Variants in DNAH8 observed in about 807,000 individuals in gnomAD.
DNAH8 encodes the protein dynein axonemal heavy chain 8.
Under a neutral mutation model 562.1 loss-of-function variants are expected in DNAH8, and 382 were observed. The observed-to-expected ratio is 0.68, with a 90% CI of 0.63 to 0.74. DNAH8 has a LOEUF of 0.74. Among genes scored for constraint, DNAH8 ranks in the 30% least tolerant of loss-of-function variants. The pLI is 0.00. For missense variants in DNAH8, 5,203 were observed against 5,620.4 expected (o/e 0.93, Z 2.37); for synonymous variants, 1,881 against 1,919.4 (o/e 0.98, Z 0.52).
At chr6:38,794,481 T>C (rs1770048810) in intron 21 of DNAH8, among the ~76,000 whole-genome samples, 2 of 152,238 alleles carry the variant, frequency 1.3e-5, no homozygotes. Context: ...GATACACCCT[T>C]GTAACTGTCT....
chr6:38,931,866 C>G lies in DNAH8; in HGVS notation c.11330C>G (p.Thr3777Ser). ...DIMDTFKLYI[T>S]TKLPNPAFTP... ...ATGGATACATTTAAACTTTACATTACTACGAAGTTACCAAATCCTGCCTTT... is the reference window on the plus strand; with the variant it reads ...ATGGATACATTTAAACTTTACATTAGTACGAAGTTACCAAATCCTGCCTTT... Residue 3777 changes from threonine (T) to serine (S), a missense_variant, in exon 76 of 93, where the codon ACT (threonine) becomes AGT (serine). Transcript: ENST00000327475. 1 of 1,610,100 alleles carries G rather than the reference C, an allele frequency of 6.2e-7. No homozygotes were observed. The highest frequency in any genetic ancestry group is 1.1e-5 in the South Asian group (1 of 90,252).
intron 7 of DNAH8, among the ~76,000 whole-genome samples, chr6:38,740,365 T>G (rs1192847150): frequency 2.0e-5 from 3 of 152,230 alleles, no homozygotes; most frequent in African/African-American, 7.2e-5. Context: ...GTAGGTCTTC[T>G]GTGTGTGTAA....
rs1775411856 is a variant in DNAH8, at chr6:38,847,764, T to C, written c.5046-884T>C. Reference sequence around the variant, plus strand: ...TGCTTGCCCTTGCTACACACTGCAGTCGGCTTCTTGCTCTAACTGTAGGTA... The same window carrying C: ...TGCTTGCCCTTGCTACACACTGCAGCCGGCTTCTTGCTCTAACTGTAGGTA... On this transcript the variant is annotated intron_variant, in intron 36 of 92. Coordinates refer to ENST00000327475, the MANE Select transcript of DNAH8 (RefSeq NM_001206927.2). Among the ~76,000 whole-genome samples, 5 of 152,308 alleles carry C rather than the reference T, an allele frequency of 3.3e-5. No homozygotes were observed. The South Asian group carries it at 1.0e-3, about 32-fold the overall frequency.
chr6:38,909,511 T>A lies in DNAH8; in HGVS notation c.9514-7T>A. 1 of 1,613,900 alleles carries A rather than the reference T, an allele frequency of 6.2e-7. No individual in the cohort carries two copies. The highest frequency in any genetic ancestry group is 8.5e-7 in the Non-Finnish European group (1 of 1,179,820). On this transcript the variant is annotated splice_region_variant and splice_polypyrimidine_tract_variant and intron_variant, in intron 64 of 92. Transcript: ENST00000327475. ...TTTCTAATGTTTGTTGACTTTGCTA[T>A]CAATAGGTTGGTGAGAAGTTCCGTG...
chr6:38,796,873 T>C (rs1443015905), intron 21 of DNAH8, among the ~76,000 whole-genome samples: 1 of 152,216 alleles, frequency 6.6e-6, no homozygotes, highest in African/African-American at 2.4e-5. Context: ...GGGGTTCTTG[T>C]CTGCGGCTTG....
At chr6:38,963,680 CTTTTTT>C (rs778971367) in intron 82 of DNAH8, among the ~76,000 whole-genome samples, 12 of 60,570 alleles carry the variant, frequency 2.0e-4, no homozygotes, top group East Asian at 1.1e-3. Flanking sequence ...AAAGTCCATT[CTTTTTT>C]TTTTTTTTTT....
intron 10 of DNAH8, among the ~76,000 whole-genome samples, chr6:38,758,640 A>G (rs972999730): frequency 1.3e-5 from 2 of 151,734 alleles, no homozygotes; most frequent in Admixed American, 6.6e-5. Context: ...GTTTTTGTCT[A>G]TTCAGTATGA....
At position 38,780,056 on chromosome 6, in the gene DNAH8, T is replaced by A. The variant is rs767332664; in HGVS notation, c.2130T>A (p.Ala710=). The A allele has an allele frequency of 6.2e-7, 1 of 1,613,674 alleles. No homozygotes were observed. Among genetic ancestry groups the A allele is most frequent in the Middle Eastern group, 1.6e-4 (1 of 6,062 alleles). The change falls in exon 15 of 93, where the codon GCT becomes GCA. Residue 710 remains alanine (A), a synonymous_variant. Coordinates refer to ENST00000327475, the MANE Select transcript of DNAH8 (RefSeq NM_001206927.2). ...AGTACTATGTGGCTGAACTTGATGC[T>A]ACTAAGAAGGCAAGTGTCATGTTTA... ...ILQYYVAELD[A]TKKLYHSQKD...
intron 7 of DNAH8, among the ~76,000 whole-genome samples, chr6:38,739,541 T>G (rs185007663): frequency 3.5e-4 from 54 of 152,296 alleles, no homozygotes; most frequent in African/African-American, 1.3e-3. Context: ...GCATGGTGGC[T>G]CATGCTTGTA....
intron 53 of DNAH8, 70 bp downstream of exon 53, chr6:38,875,898 C>A: frequency 1.0e-6 from 1 of 958,372 alleles, no homozygotes; most frequent in Non-Finnish European, 1.6e-6. Flanking sequence ...CTTTCATAAA[C>A]TCTTCTATGA....
chr6:38,948,369 C>T (rs1041176980), intron 80 of DNAH8, among the ~76,000 whole-genome samples: 3 of 151,810 alleles, frequency 2.0e-5, no homozygotes, highest in African/African-American at 7.3e-5. Context: ...GGGAGTTTCG[C>T]TCTTGTTGCC....
chr6:39,030,379 G>T lies in DNAH8; in HGVS notation c.14111G>T (p.Cys4704Phe), dbSNP rs1393982368. The change falls in exon 93 of 93, where the codon TGT (cysteine) becomes TTT (phenylalanine). Residue 4704 changes from cysteine to phenylalanine, a missense_variant. Around this residue, in one of 6 missense-constraint regions of DNAH8, gnomAD observed 1,399 missense variants for 1,518.4 expected, o/e 0.92. Coordinates refer to ENST00000327475, the MANE Select transcript of DNAH8 (RefSeq NM_001206927.2). ...ATCCTGAGAGGAGTGGCCCTTTTGT[G>T]TGACATCAAGTAAGTTCATTTCCAT... The part of the protein sequence containing the change: ...HWILRGVALL[C>F]DIK 6.2e-7 allele frequency: 1 copy of T among 1,613,776 alleles called. No homozygotes were observed.
rs908080480 is a variant in DNAH8 at position 38,938,298 on chromosome 6, T to C, written c.11816+72T>C. ...CTTGTATTTCTACTCTTTTAGAAATTGCTTTTTCACTATTCACAATAGCAA... is the reference window on the plus strand; with the variant it reads ...CTTGTATTTCTACTCTTTTAGAAATCGCTTTTTCACTATTCACAATAGCAA... On this transcript the variant is annotated intron_variant, in intron 78 of 92. Coordinates refer to ENST00000327475, the MANE Select transcript of DNAH8 (RefSeq NM_001206927.2). 6 of 1,517,020 alleles carry C rather than the reference T, an allele frequency of 4.0e-6. No homozygotes were observed. In the African/African-American group the frequency reaches 5.5e-5, roughly 14 times the overall value. The allele number at this position is 1,517,020 out of a possible 1,614,324, so 94.0% of individuals were successfully genotyped here. A position where few individuals can be genotyped will look rare whatever the true frequency, so the allele number is the denominator to read the frequency against.
intron 42 of DNAH8, among the ~76,000 whole-genome samples, chr6:38,858,147 G>A (rs1287720996): frequency 6.6e-6 from 1 of 152,178 alleles, no homozygotes; most frequent in East Asian, 1.9e-4. Context: ...AGTTCTGTAG[G>A]GTGGGACTAA....
intron 52 of DNAH8, among the ~76,000 whole-genome samples, chr6:38,875,384 A>G (rs1777915048): frequency 6.6e-6 from 1 of 152,182 alleles, no homozygotes; most frequent in Non-Finnish European, 1.5e-5. Context: ...TCAGTTCAGC[A>G]TCCTTTCTGC....
chr6:38,787,822 A>G (rs1229654938), intron 18 of DNAH8, among the ~76,000 whole-genome samples: 1 of 152,188 alleles, frequency 6.6e-6, no homozygotes, highest in Non-Finnish European at 1.5e-5. Flanking sequence ...ACAAGAGTTA[A>G]GTAACATGAG....
At chr6:38,771,838 T>C (rs978862132) in intron 12 of DNAH8, among the ~76,000 whole-genome samples, 2 of 152,184 alleles carry the variant, frequency 1.3e-5, no homozygotes, top group African/African-American at 4.8e-5. Context: ...ATGAATAATG[T>C]TGCTATGAAC....
At chr6:38,924,486 A>G (rs1471125263) in intron 73 of DNAH8, among the ~76,000 whole-genome samples, 4 of 151,152 alleles carry the variant, frequency 2.6e-5, no homozygotes, top group Admixed American at 1.3e-4. Flanking sequence ...ACTGGGCAAC[A>G]AGAGAGAAAC....
chr6:38,794,366 G>A lies in DNAH8; in HGVS notation c.2901+2692G>A, dbSNP rs149391140. On this transcript the variant is annotated intron_variant, in intron 21 of 92. Transcript: ENST00000327475. ...AAGCCCATAGAAGCTATGGTTTCAG[G>A]TTGCTTTTTATTTTAGTTTCTATGC... 3.4e-3 allele frequency among the ~76,000 whole-genome samples: 523 copies of A among 151,946 alleles called. 3 individuals are homozygous for A. Among genetic ancestry groups the A allele is most frequent in the African/African-American group, 0.012 (496 of 41,426 alleles).
Sources: gnomAD v4.1 joint callset for allele counts (sites outside exome capture counted in the v4.1 genomes callset) on GRCh38, gnomAD v4.1.1 for gene constraint, gnomAD v4.1.1 regional missense constraint, MANE v1.5 for transcripts, NCBI Gene and HGNC (gene_info 2026-07-23, HGNC 2026-07-21) for gene names.